The following DLGAP4 variants were observed in gnomAD, a reference collection of about 807,000 sequenced individuals.
The protein encoded by DLGAP4 is disks large-associated protein 4.
DLGAP4 carries 18 observed loss-of-function variants against 86.9 expected under a neutral mutation model. The ratio of observed to expected loss-of-function variants is 0.21; its 90% CI spans 0.14 to 0.31. The LOEUF (loss-of-function observed/expected upper bound fraction) is 0.31, where lower values mean the gene tolerates loss of function less well. DLGAP4 is among the 10% of genes least tolerant of loss of function. The probability of loss-of-function intolerance (pLI) is 1.00; values close to 1 mark genes in which losing one functional copy is unlikely to be tolerated. For missense variants in DLGAP4, 1,085 were observed against 1,362.6 expected (o/e 0.80, Z 3.21); for synonymous variants, 548 against 574.3 (o/e 0.95, Z 0.65).
At chr20:36,412,241 G>T (rs958651276) in intron 2 of DLGAP4, among the ~76,000 whole-genome samples, 1 of 152,250 alleles carries the variant, frequency 6.6e-6, no homozygotes, top group Non-Finnish European at 1.5e-5. Flanking sequence ...GAAACAGGGC[G>T]AGGCAGGTGG....
chr20:36,437,050 C>G (rs1005964812), intron 4 of DLGAP4, among the ~76,000 whole-genome samples: 9 of 152,176 alleles, frequency 5.9e-5, no homozygotes, highest in South Asian at 2.1e-4. Flanking sequence ...GCTGTTCCCC[C>G]GGAGATCCCA....
At chr20:36,342,641 G>A (rs1304766186) in intron 1 of DLGAP4, among the ~76,000 whole-genome samples, 1 of 152,244 alleles carries the variant, frequency 6.6e-6, no homozygotes, top group African/African-American at 2.4e-5. Context: ...TCAATGCAGG[G>A]CAGGGCTGGG....
chr20:36,467,131 G>A (rs528212342), intron 7 of DLGAP4, among the ~76,000 whole-genome samples: 2 of 149,636 alleles, frequency 1.3e-5, no homozygotes, highest in East Asian at 2.0e-4. Context: ...GGGATTAATA[G>A]ACAGACAAGG....
At chr20:36,453,934 CAAAAAAAAAAAAAAA>C (rs1194294335) in intron 7 of DLGAP4, among the ~76,000 whole-genome samples, 7 of 42,694 alleles carry the variant, frequency 1.6e-4, no homozygotes, top group African/African-American at 6.0e-4. Flanking sequence ...ACTCTGTCTC[CAAAAAAAAAAAAAAA>C]AAAAAAAGAA....
chr20:36,483,355 G>C (rs1449317258), intron 7 of DLGAP4, among the ~76,000 whole-genome samples: 2 of 152,180 alleles, frequency 1.3e-5, no homozygotes, highest in African/African-American at 4.8e-5. Context: ...ATGCCTCCCT[G>C]AATGCCCGGA....
intron 7 of DLGAP4, among the ~76,000 whole-genome samples, chr20:36,459,041 T>C (rs148659950): frequency 2.0e-5 from 3 of 152,196 alleles, no homozygotes; most frequent in South Asian, 2.1e-4. Context: ...ATCTGGGAAG[T>C]TGGGAGAGGA....
intron 1 of DLGAP4, among the ~76,000 whole-genome samples, chr20:36,347,651 C>T (rs549593807): frequency 1.3e-5 from 2 of 151,276 alleles, no homozygotes; most frequent in Non-Finnish European, 2.9e-5. Context: ...TAGCAAGACC[C>T]CGTCTCCACA....
intron 10 of DLGAP4, among the ~76,000 whole-genome samples, chr20:36,507,069 G>A (rs2036415880): frequency 6.6e-6 from 1 of 152,168 alleles, no homozygotes; most frequent in Admixed American, 6.5e-5. Flanking sequence ...TTTGCCAATG[G>A]ATAGGTGGAT....
intron 10 of DLGAP4, among the ~76,000 whole-genome samples, chr20:36,503,911 C>A (rs1485450263): frequency 6.6e-6 from 1 of 152,160 alleles, no homozygotes; most frequent in Non-Finnish European, 1.5e-5. Context: ...TCATTTCACA[C>A]TACATTTTAT....
intron 2 of DLGAP4, among the ~76,000 whole-genome samples, chr20:36,421,688 G>A (rs1600508347): frequency 2.0e-5 from 3 of 152,120 alleles, no homozygotes; most frequent in Admixed American, 6.6e-5. Context: ...GGTACTTCCC[G>A]GTTTCTGACC....
chr20:36,410,066 C>T (rs2032454780), intron 2 of DLGAP4, among the ~76,000 whole-genome samples: 1 of 151,806 alleles, frequency 6.6e-6, no homozygotes, highest in Admixed American at 6.6e-5. Context: ...TCCTCCTACT[C>T]TTTCTTCCAT....
chr20:36,308,942 T>C lies in DLGAP4; in HGVS notation c.-304+2430T>C, dbSNP rs2147327413. Reference sequence around the variant, plus strand: ...TCAATAAATGTCATGGCTCCCAGGATGAAACCCAACCTCCCCCTCCCCCAA... The same window carrying C: ...TCAATAAATGTCATGGCTCCCAGGACGAAACCCAACCTCCCCCTCCCCCAA... On this transcript the variant is annotated intron_variant, in intron 1 of 12. Coordinates refer to ENST00000339266, the MANE Select transcript of DLGAP4 (RefSeq NM_001365621.2). The surrounding 1 kb of genome is among the most constrained non-coding windows in gnomAD (Gnocchi z 4.5). Among the ~76,000 whole-genome samples the C allele has an allele frequency of 6.6e-6, 1 of 152,142 alleles. No individual in the cohort carries two copies. The highest frequency in any genetic ancestry group is 1.9e-4 in the East Asian group (1 of 5,178).
intron 7 of DLGAP4, among the ~76,000 whole-genome samples, chr20:36,460,487 C>G (rs926439240): frequency 2.0e-5 from 3 of 152,212 alleles, no homozygotes; most frequent in African/African-American, 7.2e-5. Context: ...CTATCATCTT[C>G]GCCAGTGCTC....
chr20:36,320,201 C>A (rs2065154134), intron 1 of DLGAP4, among the ~76,000 whole-genome samples: 1 of 142,970 alleles, frequency 7.0e-6, no homozygotes, highest in African/African-American at 2.6e-5. Context: ...TCCCCCGGGC[C>A]TCCCTCTGTG....
intron 1 of DLGAP4, among the ~76,000 whole-genome samples, chr20:36,311,293 C>A (rs981174733): frequency 1.3e-5 from 2 of 152,022 alleles, no homozygotes; most frequent in Non-Finnish European, 2.9e-5. Flanking sequence ...GGGAGGGCAG[C>A]GTTTAGGGGC....
At chr20:36,423,589 G>A (rs1188894482) in intron 2 of DLGAP4, among the ~76,000 whole-genome samples, 1 of 151,988 alleles carries the variant, frequency 6.6e-6, no homozygotes, top group African/African-American at 2.4e-5. Context: ...AGTATAGTGA[G>A]GTGAGGAGGG....
chr20:36,493,911 G>A (rs967297184), intron 7 of DLGAP4, among the ~76,000 whole-genome samples: 3 of 152,208 alleles, frequency 2.0e-5, no homozygotes, highest in South Asian at 4.1e-4. Context: ...CTTTTGGCCC[G>A]CAGCCTGTGC....
rs201911398 is a variant in DLGAP4, at chr20:36,446,917, G to A, written c.1628G>A (p.Ser543Asn). The A allele has an allele frequency of 6.2e-7, 1 of 1,610,824 alleles. No individual in the cohort carries two copies. Among genetic ancestry groups the A allele is most frequent in the Non-Finnish European group, 8.5e-7 (1 of 1,177,930 alleles). Residue 543 changes from serine to asparagine, a missense_variant, in exon 7 of 13, where the codon AGC (serine) becomes AAC (asparagine). Physicochemically the swap from Ser to Asn is conservative, Grantham distance 46. Transcript: ENST00000339266. The stretch of plus-strand genomic sequence containing the variant: ...CCACCGCCCAGTACCGGCAGCCTCA[G>A]CAATAGTCGCACGCTTCCGAGTGAG... The part of the protein sequence containing the change: ...LSPPPSTGSL[S>N]NSRTLPSSSC...
At position 36,525,216 on chromosome 20, in the gene DLGAP4, CAAAAAAAAAAAAAAAAAAAAAAA is replaced by C. The variant is rs1159616185; in HGVS notation, c.2605-619_2605-597del. On this transcript the variant is annotated intron_variant, in intron 11 of 12. Transcript: ENST00000339266. ...TGGGTGACAGAGCGAGACTCCGTCT[CAAAAAAAAAAAAAAAAAAAAAAA>C]AAAAAAAAAAAAAAACAAAGAAATC... Among the ~76,000 whole-genome samples the C allele has an allele frequency of 3.5e-4, 10 of 28,504 alleles. No individual in the cohort carries two copies. In the South Asian group the frequency reaches 7.2e-3, roughly 21 times the overall value. 18.7% of individuals were successfully genotyped at this position (28,504 alleles called of 152,430 possible). A position where few individuals can be genotyped will look rare whatever the true frequency, so the allele number is the denominator to read the frequency against.
Sources: allele counts gnomAD v4.1 joint callset (sites outside exome capture counted in the v4.1 genomes callset), GRCh38; gene constraint gnomAD v4.1.1; non-coding constraint Gnocchi (gnomAD v3.1); transcripts MANE v1.5; gene names NCBI Gene and HGNC (gene_info 2026-07-23, HGNC 2026-07-21).